The following L2HGDH variants were observed in gnomAD, a reference collection of about 807,000 sequenced individuals.
The protein encoded by L2HGDH is L-2-hydroxyglutarate dehydrogenase.
L2HGDH carries 34 observed loss-of-function variants against 51.5 expected under a neutral mutation model. The observed-to-expected ratio is 0.66, with a 90% CI of 0.50 to 0.88. L2HGDH has a LOEUF of 0.88. L2HGDH is among the 40% of genes least tolerant of loss of function. The pLI, the probability that L2HGDH is intolerant of heterozygous loss-of-function variation, is 0.00. For synonymous variants in L2HGDH, 198 were observed against 197.9 expected, an observed-to-expected ratio of 1.00 and a Z score of -0.01; for missense variants, 558 against 571.9, an observed-to-expected ratio of 0.98 and a Z score of 0.25.
chr14:50,257,118 G>A (rs577999638), intron 9 of L2HGDH, among the ~76,000 whole-genome samples: 8 of 152,108 alleles, frequency 5.3e-5, no homozygotes, highest in Admixed American at 1.3e-4. Flanking sequence ...TAGTAAAGAC[G>A]GGGTTTTGCC....
intron 3 of L2HGDH, among the ~76,000 whole-genome samples, chr14:50,300,404 C>T (rs895498837): frequency 2.0e-5 from 3 of 152,228 alleles, no homozygotes; most frequent in African/African-American, 7.2e-5. Flanking sequence ...AGGCAATTCT[C>T]GTGCCTCAGC....
chr14:50,303,050 T>C (rs1595146896), intron 1 of L2HGDH, 33 bp from the exon 2 acceptor site: 3 of 1,343,864 alleles, frequency 2.2e-6, no homozygotes, highest in Middle Eastern at 1.8e-4. Context: ...AAGTAATTCA[T>C]ATTTACAGTA....
chr14:50,294,275 G>A (rs1379268829), intron 3 of L2HGDH, 29 bp from the exon 4 acceptor site: 2 of 1,603,794 alleles, frequency 1.2e-6, no homozygotes, highest in Non-Finnish European at 1.7e-6. Flanking sequence ...AAGGAGCATG[G>A]ATAGAGGTGA....
intron 1 of L2HGDH, among the ~76,000 whole-genome samples, chr14:50,304,380 T>A (rs1347299465): frequency 6.6e-6 from 1 of 152,354 alleles, no homozygotes; most frequent in African/African-American, 2.4e-5. Flanking sequence ...GACAATGTGT[T>A]AACACATTAA....
rs976057581 is a variant in L2HGDH at position 50,245,106 on chromosome 14, G to C, written c.*1952C>G. On this transcript the variant is annotated 3_prime_UTR_variant, in exon 10 of 10. Transcript: ENST00000267436. ...CATGAGGTGAATGTAAGGCACTTTC[G>C]CGGTTTACAAAAGTGAATGCCTCAA... The C allele has an allele frequency of 1.0e-6, 1 of 985,550 alleles. No homozygotes were observed. Among genetic ancestry groups the C allele is most frequent in the Non-Finnish European group, 1.2e-6 (1 of 829,914 alleles). 61.1% of individuals were successfully genotyped at this position (985,550 alleles called of 1,614,324 possible).
In L2HGDH at chr14:50,283,918, A is replaced by G. The variant is rs372445993; in HGVS notation, c.656T>C (p.Val219Ala). The G allele has an allele frequency of 9.9e-6, 16 of 1,613,994 alleles. No individual in the cohort carries two copies. The African/African-American group carries it at 1.9e-4, about 19-fold the overall frequency. The change falls in exon 5 of 10, where the codon GTA becomes GCA. Residue 219 changes from valine to alanine, a missense_variant. Around this residue, in one of 3 missense-constraint regions of L2HGDH, gnomAD observed 321 missense variants for 311.8 expected, o/e 1.03. Coordinates refer to ENST00000267436, the MANE Select transcript of L2HGDH (RefSeq NM_024884.3). Reference protein sequence around the residue: ...AGGSVLTNFEVKGIEMAKESP... With the variant: ...AGGSVLTNFEAKGIEMAKESP... ...TTCTTTAGCCATTTCAATACCTTTTACTTCAAAATTGGTCAAGACAGAGCC... is the reference window on the plus strand; with the variant it reads ...TTCTTTAGCCATTTCAATACCTTTTGCTTCAAAATTGGTCAAGACAGAGCC...
At chr14:50,258,839 T>C (rs992722760) in intron 9 of L2HGDH, among the ~76,000 whole-genome samples, 5 of 151,016 alleles carry the variant, frequency 3.3e-5, no homozygotes, top group Admixed American at 6.6e-5. Context: ...TTTATAATTT[T>C]TTATTTAATT....
chr14:50,275,856 C>T (rs1022972701), intron 6 of L2HGDH, among the ~76,000 whole-genome samples: 1 of 152,174 alleles, frequency 6.6e-6, no homozygotes, highest in African/African-American at 2.4e-5. Context: ...GAAATTTTTG[C>T]ATTCTATCCC....
chr14:50,307,573 T>G (rs1157671629), intron 1 of L2HGDH, among the ~76,000 whole-genome samples: 1 of 152,208 alleles, frequency 6.6e-6, no homozygotes, highest in Non-Finnish European at 1.5e-5. Context: ...TTTCTTAAGC[T>G]TTTTATGGAA....
Position 50,311,983 on chromosome 14 carries a change from G to A in L2HGDH, c.140+28C>T, listed in dbSNP as rs377669258. ...GCCTCCGCGAGGGGCAGCAGCGCAG[G>A]CGGCGGGGAGGACCAGCGGCCACTC... On this transcript the variant is annotated intron_variant, in intron 1 of 9. Transcript: ENST00000267436. 7.1e-5 allele frequency: 110 copies of A among 1,548,082 alleles called. No individual in the cohort carries two copies. In the African/African-American group the frequency reaches 1.4e-3, roughly 19 times the overall value.
Position 50,244,435 on chromosome 14 carries a change from C to T in L2HGDH, c.*2623G>A, listed in dbSNP as rs902912250. The T allele has an allele frequency of 8.1e-6, 8 of 985,198 alleles. No individual in the cohort carries two copies. The highest frequency in any genetic ancestry group is 9.6e-6 in the Non-Finnish European group (8 of 829,710). The allele number at this position is 985,198 out of a possible 1,614,324, so 61.0% of individuals were successfully genotyped here. ...ATTTTTTGTAATTCAATGTTTACAA[C>T]TTAGTATGTATGCAATCGTACTACT... On this transcript the variant is annotated 3_prime_UTR_variant, in exon 10 of 10. Coordinates refer to ENST00000267436, the MANE Select transcript of L2HGDH (RefSeq NM_024884.3).
At position 50,242,758 on chromosome 14, in the gene L2HGDH, G is replaced by C; in HGVS notation, c.*4300C>G. The C allele has an allele frequency of 1.0e-6, 1 of 985,396 alleles. No homozygotes were observed. The highest frequency in any genetic ancestry group is 1.2e-6 in the Non-Finnish European group (1 of 829,910). The allele number at this position is 985,396 out of a possible 1,614,324, so 61.0% of individuals were successfully genotyped here. A position where few individuals can be genotyped will look rare whatever the true frequency, so the allele number is the denominator to read the frequency against. ...AGTGTGTTAGAAAAGCTTAGAAACT[G>C]ACTTTACGATTACAACTCAAAAATG... On this transcript the variant is annotated 3_prime_UTR_variant, in exon 10 of 10. Transcript: ENST00000267436.
intron 1 of L2HGDH, 111 bp downstream of exon 1, chr14:50,311,900 A>T: frequency 6.9e-7 from 1 of 1,446,956 alleles, no homozygotes; most frequent in Admixed American, 2.0e-5. Flanking sequence ...CAGGACCCCA[A>T]CCTGCTCTCA....
intron 1 of L2HGDH, among the ~76,000 whole-genome samples, chr14:50,306,698 C>T (rs1233357180): frequency 3.3e-5 from 5 of 150,380 alleles, no homozygotes; most frequent in Non-Finnish European, 5.9e-5. Context: ...GGAGTAGAGT[C>T]GGATACCAGT....
intron 5 of L2HGDH, among the ~76,000 whole-genome samples, chr14:50,279,188 A>G (rs1890126919): frequency 6.6e-6 from 1 of 152,236 alleles, no homozygotes; most frequent in Non-Finnish European, 1.5e-5. Flanking sequence ...TAGAATTCAG[A>G]AAGACAGAAT....
chr14:50,306,571 T>G (rs964918147), intron 1 of L2HGDH, among the ~76,000 whole-genome samples: 2 of 142,248 alleles, frequency 1.4e-5, no homozygotes, highest in African/African-American at 5.3e-5. Context: ...CTGCCTTTTG[T>G]TTTTTTTGGG....
intron 9 of L2HGDH, among the ~76,000 whole-genome samples, chr14:50,259,948 GA>G (rs1359217196): frequency 1.3e-5 from 2 of 149,748 alleles, no homozygotes; most frequent in Non-Finnish European, 3.0e-5. Context: ...AGGGGGTGGG[GA>G]GGGGAGGGAG....
At chr14:50,249,187 G>A (rs542284076) in intron 9 of L2HGDH, among the ~76,000 whole-genome samples, 45 of 152,280 alleles carry the variant, frequency 3.0e-4, no homozygotes, top group Non-Finnish European at 5.6e-4. Context: ...CCTCACCACC[G>A]TGGGCTGAAA....
intron 9 of L2HGDH, among the ~76,000 whole-genome samples, chr14:50,255,553 A>AG (rs10670330): frequency 6.8e-6 from 1 of 147,392 alleles, no homozygotes; most frequent in East Asian, 2.0e-4. Context: ...AAAAAAAAAA[A>AG]GAAAAGAAAA....
Sources: allele counts gnomAD v4.1 joint callset (sites outside exome capture counted in the v4.1 genomes callset), GRCh38; gene constraint gnomAD v4.1.1; regional missense constraint gnomAD v4.1.1; transcripts MANE v1.5; gene names NCBI Gene and HGNC (gene_info 2026-07-23, HGNC 2026-07-21).